TTC7B: variants seen among roughly 807,000 people sequenced by gnomAD.
The protein encoded by TTC7B is tetratricopeptide repeat protein 7B.
TTC7B carries 28 observed loss-of-function variants against 106.8 expected under a neutral mutation model. The observed-to-expected ratio is 0.26, with a 90% CI of 0.19 to 0.36. The LOEUF is 0.36. Ranked by LOEUF, TTC7B falls within the 10% of genes least tolerant of loss-of-function variation. TTC7B has a pLI of 1.00. For synonymous variants in TTC7B, 405 were observed against 430.6 expected, an observed-to-expected ratio of 0.94 and a Z score of 0.74; for missense variants, 862 against 1,076.4, an observed-to-expected ratio of 0.80 and a Z score of 2.79.
At position 90,624,119 on chromosome 14, in the gene TTC7B, CGTGTGT is replaced by C. The variant is rs768995897; in HGVS notation, c.1752-6080_1752-6075del. Among the ~76,000 whole-genome samples, 2 of 152,066 alleles carry C rather than the reference CGTGTGT, an allele frequency of 1.3e-5. No homozygotes were observed. Among genetic ancestry groups the C allele is most frequent in the South Asian group, 4.1e-4 (2 of 4,826 alleles). On this transcript the variant is annotated intron_variant, in intron 15 of 19. Transcript: ENST00000328459. The surrounding 1 kb of genome is among the most constrained non-coding windows in gnomAD (Gnocchi z 4.0). Reference sequence around the variant, plus strand: ...GTGTGCATGTGTGTGTGCGCGTGCGCGTGTGTGTGTTTTGTGACTTGTCTTTCATCT... The same window carrying C: ...GTGTGCATGTGTGTGTGCGCGTGCGCGTGTTTTGTGACTTGTCTTTCATCT...
At chr14:90,722,888 A>C (rs1443725276) in intron 5 of TTC7B, among the ~76,000 whole-genome samples, 2 of 151,700 alleles carry the variant, frequency 1.3e-5, no homozygotes, top group Non-Finnish European at 2.9e-5. Flanking sequence ...CTCCTCCTTT[A>C]CTCAACTTCC....
intron 4 of TTC7B, among the ~76,000 whole-genome samples, chr14:90,732,636 C>A (rs1889369119): frequency 6.6e-6 from 1 of 152,156 alleles, no homozygotes; most frequent in South Asian, 2.1e-4. Flanking sequence ...CCTCGGCCTG[C>A]CAAAGTGCTG....
At chr14:90,747,174 A>G (rs1383203445) in intron 3 of TTC7B, among the ~76,000 whole-genome samples, 1 of 152,172 alleles carries the variant, frequency 6.6e-6, no homozygotes, top group Non-Finnish European at 1.5e-5. Flanking sequence ...TGCCTATGTG[A>G]CTGACCCCTA....
chr14:90,600,200 A>G lies in TTC7B; in HGVS notation c.1967-6574T>C, dbSNP rs1015661106. On this transcript the variant is annotated intron_variant, in intron 17 of 19. Transcript: ENST00000328459. The surrounding 1 kb of genome is among the most constrained non-coding windows in gnomAD (Gnocchi z 4.3). ...TTCTCCATACCTTTTAAAAAACATA[A>G]CTGCTGTCCCCTCATCTCCCTGGTG... 6.6e-6 allele frequency among the ~76,000 whole-genome samples: 1 copy of G among 152,146 alleles called. No individual in the cohort carries two copies. The highest frequency in any genetic ancestry group is 1.5e-5 in the Non-Finnish European group (1 of 68,012).
chr14:90,643,193 G>A (rs1397703884), intron 15 of TTC7B, among the ~76,000 whole-genome samples: 1 of 152,086 alleles, frequency 6.6e-6, no homozygotes, highest in African/African-American at 2.4e-5. Flanking sequence ...CAGATCGTGA[G>A]GTCAGGAGTT....
intron 1 of TTC7B, among the ~76,000 whole-genome samples, chr14:90,815,063 G>A (rs577714989): frequency 6.6e-6 from 1 of 152,294 alleles, no homozygotes; most frequent in African/African-American, 2.4e-5. Flanking sequence ...GAAGTGAGAA[G>A]GTTGAAAATA....
intron 5 of TTC7B, among the ~76,000 whole-genome samples, chr14:90,713,950 G>A (rs149971287): frequency 5.9e-5 from 9 of 152,300 alleles, no homozygotes; most frequent in East Asian, 1.9e-4. Context: ...GACACAGGCC[G>A]GGTGCGGTGG....
chr14:90,659,235 G>A (rs570791634), intron 9 of TTC7B, among the ~76,000 whole-genome samples: 1 of 151,814 alleles, frequency 6.6e-6, no homozygotes, highest in East Asian at 1.9e-4. Flanking sequence ...GTGTGTGAGA[G>A]AGAGAGAGTG....
At chr14:90,558,852 C>T (rs901650602) in intron 19 of TTC7B, among the ~76,000 whole-genome samples, 1 of 152,182 alleles carries the variant, frequency 6.6e-6, no homozygotes, top group Non-Finnish European at 1.5e-5. Context: ...CTCCCCAGGG[C>T]CCCCAGGGCT....
intron 4 of TTC7B, among the ~76,000 whole-genome samples, chr14:90,738,899 C>A (rs1889649160): frequency 6.6e-6 from 1 of 152,076 alleles, no homozygotes; most frequent in African/African-American, 2.4e-5. Flanking sequence ...GTGGTGCGTG[C>A]CTGTGGTCCC....
At chr14:90,812,545 A>G (rs892746577) in intron 1 of TTC7B, among the ~76,000 whole-genome samples, 1 of 151,632 alleles carries the variant, frequency 6.6e-6, no homozygotes, top group Admixed American at 6.6e-5. Context: ...CATTTCTCAC[A>G]GGTTCCCGGT....
At chr14:90,574,657 A>G (rs1041269306) in intron 19 of TTC7B, among the ~76,000 whole-genome samples, 2 of 152,202 alleles carry the variant, frequency 1.3e-5, no homozygotes, top group Non-Finnish European at 2.9e-5. Flanking sequence ...CTTAAGCCAT[A>G]GCCCTCCTGC....
intron 1 of TTC7B, among the ~76,000 whole-genome samples, chr14:90,809,187 C>T (rs2030763901): frequency 6.6e-6 from 1 of 152,190 alleles, no homozygotes; most frequent in Non-Finnish European, 1.5e-5. Context: ...CAGCTCCAGG[C>T]CTCAAAGATA....
At chr14:90,693,087 G>T (rs1887538632) in intron 6 of TTC7B, among the ~76,000 whole-genome samples, 1 of 151,944 alleles carries the variant, frequency 6.6e-6, no homozygotes, top group Non-Finnish European at 1.5e-5. Flanking sequence ...ATGCCCAACT[G>T]AATAATCTCC....
At chr14:90,809,296 T>A (rs981804862) in intron 1 of TTC7B, among the ~76,000 whole-genome samples, 1 of 152,284 alleles carries the variant, frequency 6.6e-6, no homozygotes, top group Admixed American at 6.5e-5. Context: ...GCCCCTCCAC[T>A]GAGCAAATGT....
At chr14:90,697,072 A>G (rs1887782213) in intron 5 of TTC7B, among the ~76,000 whole-genome samples, 1 of 152,190 alleles carries the variant, frequency 6.6e-6, no homozygotes, top group African/African-American at 2.4e-5. Context: ...TTAAACTCCT[A>G]CTGGGTACAG....
At chr14:90,701,958 A>T (rs910041461) in intron 5 of TTC7B, among the ~76,000 whole-genome samples, 1 of 152,114 alleles carries the variant, frequency 6.6e-6, no homozygotes, top group African/African-American at 2.4e-5. Context: ...CCCTAATGGT[A>T]TCCAAACACA....
chr14:90,670,330 A>C (rs1378350541), intron 9 of TTC7B, among the ~76,000 whole-genome samples: 1 of 152,248 alleles, frequency 6.6e-6, no homozygotes, highest in Non-Finnish European at 1.5e-5. Flanking sequence ...ATTAGATTAG[A>C]GTTTACTAGG....
chr14:90,634,668 C>T lies in TTC7B; in HGVS notation c.1751+9380G>A, dbSNP rs552224684. Among the ~76,000 whole-genome samples the T allele has an allele frequency of 4.6e-5, 7 of 151,974 alleles. No individual in the cohort carries two copies. The South Asian group carries it at 1.0e-3, about 23-fold the overall frequency. Reference sequence around the variant, plus strand: ...GTGCCTGTAGTCCCACCTACTCGGGCGGTCGAGGCACAAGAATCGCTTGAA... The same window carrying T: ...GTGCCTGTAGTCCCACCTACTCGGGTGGTCGAGGCACAAGAATCGCTTGAA... On this transcript the variant is annotated intron_variant, in intron 15 of 19. Coordinates refer to ENST00000328459, the MANE Select transcript of TTC7B (RefSeq NM_001010854.2).
Sources: allele counts gnomAD v4.1 joint callset (sites outside exome capture counted in the v4.1 genomes callset), GRCh38; gene constraint gnomAD v4.1.1; non-coding constraint Gnocchi (gnomAD v3.1); transcripts MANE v1.5; gene names NCBI Gene and HGNC (gene_info 2026-07-23, HGNC 2026-07-21).